The following MYOM1 variants were observed in gnomAD, a reference collection of about 807,000 sequenced individuals.
MYOM1 encodes myomesin 1, also known as myomesin-1.
MYOM1 carries 164 observed loss-of-function variants against 205.3 expected under a neutral mutation model. The observed-to-expected ratio is 0.80, with a 90% CI of 0.70 to 0.91. The LOEUF (loss-of-function observed/expected upper bound fraction) is 0.91, where lower values mean the gene tolerates loss of function less well. Ranked by LOEUF, MYOM1 falls within the 40% of genes least tolerant of loss-of-function variation. The probability of loss-of-function intolerance (pLI) is 0.00; values close to 1 mark genes in which losing one functional copy is unlikely to be tolerated. For missense variants in MYOM1, 2,011 were observed against 2,127.3 expected (o/e 0.95, Z 1.08); for synonymous variants, 772 against 789.4 (o/e 0.98, Z 0.37).
chr18:3,070,134 T>A (rs1480415476), intron 37 of MYOM1, among the ~76,000 whole-genome samples: 1 of 152,226 alleles, frequency 6.6e-6, no homozygotes, highest in African/African-American at 2.4e-5. Context: ...TATGTTAAAC[T>A]TGTTTTAATT....
chr18:3,191,312 T>C (rs886529115), intron 3 of MYOM1, among the ~76,000 whole-genome samples: 4 of 152,218 alleles, frequency 2.6e-5, no homozygotes, highest in African/African-American at 9.6e-5. Context: ...AGAAGCACAC[T>C]GTGAGTGCAG....
At chr18:3,124,693 C>T (rs894896496) in intron 19 of MYOM1, among the ~76,000 whole-genome samples, 1 of 151,886 alleles carries the variant, frequency 6.6e-6, no homozygotes, top group Non-Finnish European at 1.5e-5. Context: ...AATTTTGATG[C>T]TTAACTCACA....
intron 5 of MYOM1, among the ~76,000 whole-genome samples, chr18:3,180,705 G>A (rs1379273824): frequency 6.6e-6 from 1 of 152,100 alleles, no homozygotes; most frequent in Admixed American, 6.5e-5. Context: ...TAATGTCTAT[G>A]AATTGCTAAT....
intron 1 of MYOM1, 88 bp from the exon 2 acceptor site, chr18:3,215,339 C>T: frequency 9.1e-7 from 1 of 1,094,082 alleles, no homozygotes; most frequent in Admixed American, 2.6e-5. Flanking sequence ...AAAATCAATA[C>T]TCTTGGCTGG....
At chr18:3,167,970 T>C (rs974187462) in intron 9 of MYOM1, among the ~76,000 whole-genome samples, 4 of 152,258 alleles carry the variant, frequency 2.6e-5, no homozygotes, top group African/African-American at 9.6e-5. Flanking sequence ...CTTTCTGTTC[T>C]ACCAGCCTGT....
At chr18:3,077,422 C>T (rs752944487) in intron 34 of MYOM1, among the ~76,000 whole-genome samples, 8 of 152,088 alleles carry the variant, frequency 5.3e-5, no homozygotes, top group Non-Finnish European at 8.8e-5. Flanking sequence ...CTAGTTTATT[C>T]CCTCATGTTA....
chr18:3,178,920 T>G (rs1230824255), intron 5 of MYOM1, among the ~76,000 whole-genome samples: 2 of 151,430 alleles, frequency 1.3e-5, no homozygotes, highest in Admixed American at 6.6e-5. Context: ...CATGCTGGAG[T>G]GCAATGGTGT....
intron 3 of MYOM1, chr18:3,190,347 T>C (rs937060817): frequency 6.6e-6 from 1 of 152,230 alleles, no homozygotes; most frequent in Non-Finnish European, 1.5e-5. Flanking sequence ...GAATGATTAC[T>C]TCAGAATGTA....
chr18:3,176,726 C>T (rs1454548795), intron 5 of MYOM1, among the ~76,000 whole-genome samples: 3 of 151,416 alleles, frequency 2.0e-5, no homozygotes, highest in African/African-American at 7.3e-5. Context: ...ACTAGTAATA[C>T]TAAAAATTAG....
the MYOM1 span, among the ~76,000 whole-genome samples, chr18:3,242,662 C>T: frequency 6.6e-5 from 10 of 152,136 alleles, no homozygotes; most frequent in South Asian, 2.1e-4. Context: ...GCACGCACCA[C>T]CACGCCCAGT....
At chr18:3,076,902 C>CG (rs2079026180) in intron 34 of MYOM1, among the ~76,000 whole-genome samples, 1 of 151,802 alleles carries the variant, frequency 6.6e-6, no homozygotes, top group African/African-American at 2.4e-5. Flanking sequence ...TTTGTAGAGA[C>CG]GGGGTTTCAC....
At chr18:3,146,200 A>C (rs1222532270) in intron 13 of MYOM1, among the ~76,000 whole-genome samples, 7 of 152,126 alleles carry the variant, frequency 4.6e-5, no homozygotes. Context: ...TAAAAAAAAT[A>C]ATAAAAGTTA....
At chr18:3,178,113 G>A (rs2080675464) in intron 5 of MYOM1, among the ~76,000 whole-genome samples, 1 of 152,172 alleles carries the variant, frequency 6.6e-6, no homozygotes, top group African/African-American at 2.4e-5. Flanking sequence ...CCCAAAAGAG[G>A]AACTGGGTTT....
At chr18:3,107,423 AAAAATTAAAACTG>A (rs2079466633) in intron 22 of MYOM1, among the ~76,000 whole-genome samples, 2 of 152,202 alleles carry the variant, frequency 1.3e-5, no homozygotes, top group African/African-American at 4.8e-5. Context: ...GGCCAGGTTT[AAAAATTAAAACTG>A]GCTAAGAGGA....
At chr18:3,243,626 A>G in the MYOM1 span, among the ~76,000 whole-genome samples, 1 of 152,214 alleles carries the variant, frequency 6.6e-6, no homozygotes, top group South Asian at 2.1e-4. Context: ...AGTTAGAGAT[A>G]TGTGGATAAA....
At chr18:3,144,282 A>T (rs1190249283) in intron 13 of MYOM1, among the ~76,000 whole-genome samples, 1 of 152,178 alleles carries the variant, frequency 6.6e-6, no homozygotes, top group Non-Finnish European at 1.5e-5. Context: ...TGGAAGGTAG[A>T]CTGTGAAAAG....
At chr18:3,148,898 T>A (rs1305789439) in intron 13 of MYOM1, among the ~76,000 whole-genome samples, 3 of 144,984 alleles carry the variant, frequency 2.1e-5, no homozygotes, top group Non-Finnish European at 4.5e-5. Context: ...TTCATGGGTA[T>A]ATACATGTGT....
At chr18:3,156,594 G>A (rs1351500956) in intron 10 of MYOM1, among the ~76,000 whole-genome samples, 1 of 151,812 alleles carries the variant, frequency 6.6e-6, no homozygotes, top group Non-Finnish European at 1.5e-5. Flanking sequence ...ATTTTGATGA[G>A]GAGACACTTC....
chr18:3,239,756 C>CAAAAAAAA, the MYOM1 span, among the ~76,000 whole-genome samples: 2 of 42,180 alleles, frequency 4.7e-5, no homozygotes, highest in East Asian at 7.5e-4. Context: ...CACCTTGTCT[C>CAAAAAAAA]AAAAAAAAAA....
Sources: allele counts gnomAD v4.1 joint callset (sites outside exome capture counted in the v4.1 genomes callset), GRCh38; gene constraint gnomAD v4.1.1; transcripts MANE v1.5; gene names NCBI Gene and HGNC (gene_info 2026-07-23, HGNC 2026-07-21).